Variants in GPR180 observed in about 807,000 individuals in gnomAD.
The protein encoded by GPR180 is G protein-coupled receptor 180.
Under a neutral mutation model 52.6 loss-of-function variants are expected in GPR180, and 53 were observed. That is an observed-to-expected ratio of 1.01 (90% CI 0.81 to 1.27). The LOEUF (loss-of-function observed/expected upper bound fraction) is 1.27. GPR180 is among the 50% of genes most tolerant of loss of function. The probability of loss-of-function intolerance (pLI) is 0.00; values close to 1 mark genes in which losing one functional copy is unlikely to be tolerated. For missense variants in GPR180, 533 were observed against 527.0 expected (o/e 1.01, Z -0.11); for synonymous variants, 200 against 193.1 (o/e 1.04, Z -0.30).
chr13:94,601,869 G>T lies in GPR180; in HGVS notation c.-59G>T. 7.5e-7 allele frequency: 1 copy of T among 1,329,772 alleles called. No individual in the cohort carries two copies. Among genetic ancestry groups the T allele is most frequent in the Non-Finnish European group, 9.6e-7 (1 of 1,038,458 alleles). 82.4% of individuals were successfully genotyped at this position (1,329,772 alleles called of 1,614,324 possible). ...CCCCGCCTCCCCCAGCTGCCGACGT[G>T]GGGCGGGCAGCCGCCGGCGGCTGGG... On this transcript the variant is annotated 5_prime_UTR_variant, in exon 1 of 9. Transcript: ENST00000376958.
intron 3 of GPR180, among the ~76,000 whole-genome samples, chr13:94,618,420 A>ATTTTTTTTTTTTTTTT (rs570807308): frequency 0.022 from 1,915 of 86,990 alleles, 292 homozygotes; most frequent in Non-Finnish European, 0.029. Flanking sequence ...TCAGCACAGG[A>ATTTTTTTTTTTTTTTT]TTTTTTTTTT....
At chr13:94,623,325 T>A in intron 7 of GPR180, 25 bp downstream of exon 7, 1 of 1,537,858 alleles carries the variant, frequency 6.5e-7, no homozygotes, top group Non-Finnish European at 8.9e-7. Context: ...AGAAAATCGT[T>A]TATTCTGATT....
chr13:94,624,694 G>A (rs746858080), intron 7 of GPR180, among the ~76,000 whole-genome samples: 2 of 151,726 alleles, frequency 1.3e-5, no homozygotes, highest in Admixed American at 6.6e-5. Flanking sequence ...AGTAACTCGC[G>A]CCCACGCCCG....
chr13:94,625,685 AATTT>A (rs1889919608), intron 7 of GPR180, among the ~76,000 whole-genome samples: 1 of 152,184 alleles, frequency 6.6e-6, no homozygotes, highest in South Asian at 2.1e-4. Context: ...GTCACTTAAT[AATTT>A]GTTACTTATA....
At chr13:94,615,929 A>C (rs1382832711) in intron 3 of GPR180, among the ~76,000 whole-genome samples, 3 of 152,244 alleles carry the variant, frequency 2.0e-5, no homozygotes, top group African/African-American at 7.2e-5. Flanking sequence ...AAAGTAACAG[A>C]AAACCCTAAT....
intron 7 of GPR180, among the ~76,000 whole-genome samples, chr13:94,624,773 A>G (rs999968480): frequency 6.6e-6 from 1 of 152,046 alleles, no homozygotes; most frequent in African/African-American, 2.4e-5. Context: ...CGACCTCCTG[A>G]CCTTGTGATA....
Position 94,633,971 on chromosome 13 carries a change from T to G in GPR180, c.*6800T>G, listed in dbSNP as rs1177920879. The stretch of plus-strand genomic sequence containing the variant: ...TCCATCTTTACTGATTCGTTGCTAA[T>G]TGGTTTCTGGACTTTTAAGGCTATC... On this transcript the variant is annotated 3_prime_UTR_variant, in exon 9 of 9. Coordinates refer to ENST00000376958, the MANE Select transcript of GPR180 (RefSeq NM_180989.6). 1.3e-5 allele frequency: 2 copies of G among 152,216 alleles called. No homozygotes were observed. Among genetic ancestry groups the G allele is most frequent in the Non-Finnish European group, 2.9e-5 (2 of 68,026 alleles). 9.4% of individuals were successfully genotyped at this position (152,216 alleles called of 1,614,324 possible).
chr13:94,620,798 TG>T (rs1207562478), intron 5 of GPR180, among the ~76,000 whole-genome samples: 1 of 152,142 alleles, frequency 6.6e-6, no homozygotes, highest in Admixed American at 6.5e-5. Flanking sequence ...GAGTTAAGGT[TG>T]GACTTAATGG....
At chr13:94,602,126 T>C (rs1420703579) in intron 1 of GPR180, 54 bp downstream of exon 1, 17 of 1,265,914 alleles carry the variant, frequency 1.3e-5, no homozygotes, top group South Asian at 2.6e-5. Context: ...TCCCGCCGGC[T>C]GAGTCCGCCG....
rs139993665 is a variant in GPR180, at chr13:94,611,711, C to T, written c.305-479C>T. On this transcript the variant is annotated intron_variant, in intron 2 of 8. Transcript: ENST00000376958. ...ACACCAAGTACTTCATCATGATCTA[C>T]GAGACCATGCCCTACAACTACCCAT... 2.0e-5 allele frequency among the ~76,000 whole-genome samples: 3 copies of T among 152,038 alleles called. 1 individual carries two copies. The highest frequency in any genetic ancestry group is 3.9e-4 in the East Asian group (2 of 5,160).
In GPR180 at chr13:94,609,441, A is replaced by G. The variant is rs2139565267; in HGVS notation, c.305-2749A>G. On this transcript the variant is annotated intron_variant, in intron 2 of 8. Coordinates refer to ENST00000376958, the MANE Select transcript of GPR180 (RefSeq NM_180989.6). ...AAGACAAAAACTAAAGGCCGGTATC[A>G]CTTTATGAAGCATACTTTTATTTCT... Among the ~76,000 whole-genome samples the G allele has an allele frequency of 2.6e-5, 4 of 152,318 alleles. No homozygotes were observed. The East Asian group carries it at 5.8e-4, about 22-fold the overall frequency.
chr13:94,614,741 G>T (rs1014639538), intron 3 of GPR180, among the ~76,000 whole-genome samples: 1 of 152,174 alleles, frequency 6.6e-6, no homozygotes, highest in African/African-American at 2.4e-5. Context: ...TCTAAAAGCT[G>T]TCTTTCTTAT....
At position 94,627,859 on chromosome 13, in the gene GPR180, A is replaced by G. The variant is rs1457722008; in HGVS notation, c.*688A>G. The G allele has an allele frequency of 8.5e-5, 13 of 152,702 alleles. No homozygotes were observed. In the East Asian group the frequency reaches 1.9e-3, roughly 23 times the overall value. 9.5% of individuals were successfully genotyped at this position (152,702 alleles called of 1,614,324 possible). A position where few individuals can be genotyped will look rare whatever the true frequency, so the allele number is the denominator to read the frequency against. On this transcript the variant is annotated 3_prime_UTR_variant, in exon 9 of 9. Coordinates refer to ENST00000376958, the MANE Select transcript of GPR180 (RefSeq NM_180989.6). ...TAAATACATTACACGGGTTGTAAGGACAAAGGATTTTAAAATCTGAGCACT... is the reference window on the plus strand; with the variant it reads ...TAAATACATTACACGGGTTGTAAGGGCAAAGGATTTTAAAATCTGAGCACT...
chr13:94,620,122 C>T (rs1889833392), intron 5 of GPR180, among the ~76,000 whole-genome samples: 2 of 152,134 alleles, frequency 1.3e-5, no homozygotes, highest in Admixed American at 1.3e-4. Context: ...GATCTGGGCT[C>T]AGTGATGTGA....
At chr13:94,619,005 AT>A (rs898188661) in intron 3 of GPR180, 144 bp from the exon 4 acceptor site, 13 of 669,266 alleles carry the variant, frequency 1.9e-5, no homozygotes, top group Middle Eastern at 4.2e-4. Flanking sequence ...AGTTTTAATA[AT>A]TTTTTTTCTC....
chr13:94,622,871 G>A (rs577720718), intron 6 of GPR180, among the ~76,000 whole-genome samples: 16 of 152,238 alleles, frequency 1.1e-4, no homozygotes, highest in African/African-American at 3.4e-4. Context: ...CACTGTGCCC[G>A]GCAGCAATAG....
chr13:94,628,302 T>C lies in GPR180; in HGVS notation c.*1131T>C, dbSNP rs1889952523. 6.6e-6 allele frequency: 1 copy of C among 152,316 alleles called. No individual in the cohort carries two copies. The highest frequency in any genetic ancestry group is 6.5e-5 in the Admixed American group (1 of 15,268). The allele number at this position is 152,316 out of a possible 1,614,324, so 9.4% of individuals were successfully genotyped here. On this transcript the variant is annotated 3_prime_UTR_variant, in exon 9 of 9. Coordinates refer to ENST00000376958, the MANE Select transcript of GPR180 (RefSeq NM_180989.6). ...ATCAAGTGCCTGATTAAAGAATTGC[T>C]AAATGGTTGTCAATACTCGCTGTAT...
intron 5 of GPR180, among the ~76,000 whole-genome samples, chr13:94,620,406 T>C (rs926406073): frequency 2.0e-5 from 3 of 152,216 alleles, no homozygotes; most frequent in Non-Finnish European, 4.4e-5. Flanking sequence ...TGTTTTCTTG[T>C]AGTGTTAACC....
chr13:94,613,656 T>C (rs1889740983), intron 3 of GPR180, among the ~76,000 whole-genome samples: 2 of 152,188 alleles, frequency 1.3e-5, no homozygotes, highest in Admixed American at 6.5e-5. Flanking sequence ...GCTACTCAAA[T>C]TGTTTCTGAA....
Sources: gnomAD v4.1 joint callset for allele counts (sites outside exome capture counted in the v4.1 genomes callset) on GRCh38, gnomAD v4.1.1 for gene constraint, MANE v1.5 for transcripts, NCBI Gene and HGNC (gene_info 2026-07-23, HGNC 2026-07-21) for gene names.